PLEKHA5: variants seen among roughly 807,000 people sequenced by gnomAD.
PLEKHA5 encodes pleckstrin homology domain-containing family A member 5.
Under a neutral mutation model 181.9 loss-of-function variants are expected in PLEKHA5, and 55 were observed. The observed-to-expected ratio is 0.30, with a 90% confidence interval of 0.24 to 0.38. The LOEUF is 0.38. Among genes scored for constraint, PLEKHA5 ranks in the 10% least tolerant of loss-of-function variants. The pLI, the probability that PLEKHA5 is intolerant of heterozygous loss-of-function variation, is 1.00. For synonymous variants in PLEKHA5, 535 were observed against 529.4 expected (o/e 1.01, Z -0.15); for missense variants, 1,432 against 1,549.5 (o/e 0.92, Z 1.27).
chr12:19,247,695 A>G (rs1356849856), intron 3 of PLEKHA5, among the ~76,000 whole-genome samples: 2 of 151,884 alleles, frequency 1.3e-5, no homozygotes, highest in Non-Finnish European at 2.9e-5. Context: ...GAAAAAAACA[A>G]TGCCAAGCCC....
At chr12:19,240,459 T>A (rs1018095371) in intron 3 of PLEKHA5, among the ~76,000 whole-genome samples, 9 of 148,358 alleles carry the variant, frequency 6.1e-5, no homozygotes, top group African/African-American at 1.5e-4. Flanking sequence ...TTTTTTTTTT[T>A]AAAGACAGGG....
At chr12:19,188,160 T>C (rs527468088) in intron 3 of PLEKHA5, among the ~76,000 whole-genome samples, 8 of 152,138 alleles carry the variant, frequency 5.3e-5, no homozygotes, top group Non-Finnish European at 1.2e-4. Context: ...GGTTTGAACA[T>C]TACTAGGTTG....
intron 3 of PLEKHA5, among the ~76,000 whole-genome samples, chr12:19,138,913 T>G (rs1200117250): frequency 2.6e-5 from 4 of 152,204 alleles, no homozygotes; most frequent in African/African-American, 9.6e-5. Context: ...GAGGTTTTTA[T>G]TTTCCGGGCA....
intron 31 of PLEKHA5, chr12:19,371,387 T>C (rs1251282844): frequency 6.6e-6 from 1 of 152,298 alleles, no homozygotes; most frequent in African/African-American, 2.4e-5. Context: ...AAGAATTGTA[T>C]AGTGGTGAAG....
intron 3 of PLEKHA5, among the ~76,000 whole-genome samples, chr12:19,145,403 C>T (rs889661799): frequency 4.6e-5 from 7 of 152,082 alleles, no homozygotes; most frequent in African/African-American, 1.7e-4. Context: ...CCTTCTACCC[C>T]ATACTCTGCT....
chr12:19,184,297 A>G (rs200321187), intron 3 of PLEKHA5, among the ~76,000 whole-genome samples: 8 of 152,252 alleles, frequency 5.3e-5, no homozygotes, highest in Non-Finnish European at 1.0e-4. Context: ...GTCTATTTGA[A>G]TAGTAAACCC....
At position 19,334,829 on chromosome 12, in the gene PLEKHA5, A is replaced by AAAAAAAAAT; in HGVS notation, c.2449-1685_2449-1684insAAAAAAATA. Among the ~76,000 whole-genome samples the AAAAAAAAAT allele has an allele frequency of 2.4e-3, 45 of 18,590 alleles. 1 individual carries two copies. The highest frequency in any genetic ancestry group is 4.5e-3 in the African/African-American group (37 of 8,212). 12.2% of individuals were successfully genotyped at this position (18,590 alleles called of 152,430 possible). ...AAATCCTGTCTTCACAAAAAAAAAA[A>AAAAAAAAAT]ATATATATATATATATATATATATA... On this transcript the variant is annotated intron_variant, in intron 20 of 31. Transcript: ENST00000429027.
chr12:19,247,432 A>T (rs753748387), intron 3 of PLEKHA5, among the ~76,000 whole-genome samples: 1 of 152,212 alleles, frequency 6.6e-6, no homozygotes, highest in Non-Finnish European at 1.5e-5. Context: ...TATAAAATAC[A>T]TAAGATTGGA....
chr12:19,218,591 A>C (rs2058395745), intron 3 of PLEKHA5, among the ~76,000 whole-genome samples: 2 of 152,168 alleles, frequency 1.3e-5, no homozygotes, highest in Non-Finnish European at 2.9e-5. Flanking sequence ...AGCAATATCC[A>C]AAAATCCTGT....
intron 3 of PLEKHA5, among the ~76,000 whole-genome samples, chr12:19,240,102 T>G (rs2062194012): frequency 6.6e-6 from 1 of 152,216 alleles, no homozygotes; most frequent in South Asian, 2.1e-4. Flanking sequence ...AGAAATTGTT[T>G]AAAGCTCATG....
At chr12:19,338,782 GC>G (rs1565635294) in intron 21 of PLEKHA5, among the ~76,000 whole-genome samples, 3 of 151,420 alleles carry the variant, frequency 2.0e-5, no homozygotes, top group Admixed American at 2.0e-4. Context: ...TACTCGGGAG[GC>G]TGTGGCAGGA....
intron 29 of PLEKHA5, among the ~76,000 whole-genome samples, chr12:19,364,831 A>T (rs971746896): frequency 1.3e-5 from 2 of 151,848 alleles, no homozygotes; most frequent in Non-Finnish European, 2.9e-5. Context: ...GTGCCCGGCT[A>T]ATTTTTGTAT....
intron 21 of PLEKHA5, among the ~76,000 whole-genome samples, chr12:19,338,268 T>G (rs7956498): frequency 0.6 from 91,588 of 151,888 alleles, 31,626 homozygotes; most frequent in Non-Finnish European, 0.79. Context: ...AGTAGCATGA[T>G]CCTAGATGAA....
chr12:19,349,046 G>A (rs1279170372), intron 25 of PLEKHA5, among the ~76,000 whole-genome samples: 1 of 151,712 alleles, frequency 6.6e-6, no homozygotes, highest in African/African-American at 2.4e-5. Flanking sequence ...CCCATTTCCT[G>A]GGAGAGTTTT....
At chr12:19,349,686 C>A (rs1419932773) in intron 25 of PLEKHA5, among the ~76,000 whole-genome samples, 2 of 150,864 alleles carry the variant, frequency 1.3e-5, no homozygotes, top group East Asian at 3.9e-4. Context: ...GTGGGCGGAT[C>A]ACCTGAGGTC....
At chr12:19,188,905 C>T (rs916661471) in intron 3 of PLEKHA5, among the ~76,000 whole-genome samples, 1 of 152,114 alleles carries the variant, frequency 6.6e-6, no homozygotes, top group Non-Finnish European at 1.5e-5. Flanking sequence ...GTTTACTGAG[C>T]TTTTATTATA....
At chr12:19,162,438 A>G (rs941957090) in intron 3 of PLEKHA5, among the ~76,000 whole-genome samples, 14 of 152,182 alleles carry the variant, frequency 9.2e-5, no homozygotes, top group Non-Finnish European at 1.8e-4. Flanking sequence ...CTAATTTTAC[A>G]TACATTAATT....
rs542018333 is a variant in PLEKHA5 at position 19,184,641 on chromosome 12, T to C, written c.227+52191T>C. ...ATGATCAGATCATTTCACAGATAGATTGAGAGGTAGGAAAGGCTAATTTTG... is the reference window on the plus strand; with the variant it reads ...ATGATCAGATCATTTCACAGATAGACTGAGAGGTAGGAAAGGCTAATTTTG... On this transcript the variant is annotated intron_variant, in intron 3 of 31. Transcript: ENST00000429027. 4.6e-5 allele frequency among the ~76,000 whole-genome samples: 7 copies of C among 152,210 alleles called. No individual in the cohort carries two copies. The East Asian group carries it at 5.8e-4, about 13-fold the overall frequency.
At chr12:19,304,708 C>A (rs2082627672) in intron 15 of PLEKHA5, among the ~76,000 whole-genome samples, 1 of 151,528 alleles carries the variant, frequency 6.6e-6, no homozygotes, top group African/African-American at 2.4e-5. Context: ...GGGCCCAGAC[C>A]TGTAAAGGTT....
Sources: allele counts gnomAD v4.1 joint callset (sites outside exome capture counted in the v4.1 genomes callset), GRCh38; gene constraint gnomAD v4.1.1; transcripts MANE v1.5; gene names NCBI Gene and HGNC (gene_info 2026-07-23, HGNC 2026-07-21).